Variants in IGSF21 observed in about 807,000 individuals in gnomAD.
IGSF21 encodes the protein immunoglobin superfamily member 21.
A neutral mutation model predicts 46.8 loss-of-function variants in IGSF21; 28 were observed. The ratio of observed to expected loss-of-function variants is 0.60; its 90% CI spans 0.44 to 0.82. The LOEUF (loss-of-function observed/expected upper bound fraction) is 0.82, where lower values mean the gene tolerates loss of function less well. Ranked by LOEUF, IGSF21 falls within the 40% of genes least tolerant of loss-of-function variation. IGSF21 has a pLI of 0.00. For missense variants in IGSF21, 624 were observed against 665.5 expected (o/e 0.94, Z 0.69); for synonymous variants, 284 against 273.6 (o/e 1.04, Z -0.38).
intron 3 of IGSF21, among the ~76,000 whole-genome samples, chr1:18,328,883 A>C (rs759410827): frequency 2.2e-4 from 34 of 152,124 alleles, no homozygotes; most frequent in Non-Finnish European, 3.8e-4. Flanking sequence ...GAGGCTGTAA[A>C]CTCGTGTGGG....
intron 2 of IGSF21, among the ~76,000 whole-genome samples, chr1:18,231,680 C>G (rs894060210): frequency 2.0e-5 from 3 of 152,184 alleles, no homozygotes; most frequent in African/African-American, 7.2e-5. Context: ...CACTAGCCAC[C>G]TATAGCTGGT....
chr1:18,232,467 C>A (rs577438989), intron 2 of IGSF21, among the ~76,000 whole-genome samples: 1 of 152,140 alleles, frequency 6.6e-6, no homozygotes, highest in Non-Finnish European at 1.5e-5. Flanking sequence ...GCTTTACATA[C>A]GTGATGACAT....
chr1:18,154,342 C>CT (rs1423404374), intron 1 of IGSF21, among the ~76,000 whole-genome samples: 9 of 152,084 alleles, frequency 5.9e-5, no homozygotes, highest in South Asian at 4.2e-4. Flanking sequence ...CATTTTACAT[C>CT]TTTTTTTTCA....
intron 3 of IGSF21, among the ~76,000 whole-genome samples, chr1:18,325,146 G>A (rs1460607922): frequency 6.6e-6 from 1 of 152,228 alleles, no homozygotes; most frequent in Non-Finnish European, 1.5e-5. Flanking sequence ...AGCAGGGGCT[G>A]GGAGAGCAGA....
chr1:18,371,155 T>C (rs1023565994), intron 6 of IGSF21, among the ~76,000 whole-genome samples: 1 of 152,232 alleles, frequency 6.6e-6, no homozygotes, highest in Non-Finnish European at 1.5e-5. Context: ...GTAAATAATC[T>C]AAATGTCCAT....
At chr1:18,347,507 C>T (rs1271023312) in intron 4 of IGSF21, among the ~76,000 whole-genome samples, 4 of 152,160 alleles carry the variant, frequency 2.6e-5, no homozygotes. Context: ...AAGGGCCTCC[C>T]AACAGTCCTG....
chr1:18,291,849 T>A lies in IGSF21; in HGVS notation c.184-17T>A. On this transcript the variant is annotated splice_polypyrimidine_tract_variant and intron_variant, in intron 2 of 9. Coordinates refer to ENST00000251296, the MANE Select transcript of IGSF21 (RefSeq NM_032880.5). ...GGTTGAGCACTCACGTGTGGCTATC[T>A]CTGTGCTCTGTGGCAGGTGACGGAT... 6.2e-7 allele frequency: 1 copy of A among 1,613,022 alleles called. No individual in the cohort carries two copies. The highest frequency in any genetic ancestry group is 1.7e-5 in the Admixed American group (1 of 59,962).
intron 2 of IGSF21, among the ~76,000 whole-genome samples, chr1:18,247,791 T>C (rs912610063): frequency 2.0e-5 from 3 of 152,186 alleles, no homozygotes; most frequent in Non-Finnish European, 4.4e-5. Context: ...GTGGGTACTG[T>C]CATTGTCCCC....
At chr1:18,253,775 C>T (rs552683631) in intron 2 of IGSF21, among the ~76,000 whole-genome samples, 9 of 152,254 alleles carry the variant, frequency 5.9e-5, no homozygotes, top group South Asian at 4.2e-4. Flanking sequence ...AGTCACTGGG[C>T]GCCTGCTTCC....
At chr1:18,159,715 C>T (rs2086599849) in intron 1 of IGSF21, among the ~76,000 whole-genome samples, 1 of 146,644 alleles carries the variant, frequency 6.8e-6, no homozygotes, top group Non-Finnish European at 1.5e-5. Flanking sequence ...GAGAGTCTCG[C>T]TCTGTCACCC....
At chr1:18,138,056 C>G (rs1423067983) in intron 1 of IGSF21, among the ~76,000 whole-genome samples, 2 of 152,080 alleles carry the variant, frequency 1.3e-5, no homozygotes, top group Non-Finnish European at 2.9e-5. Context: ...ACCGTGTCCC[C>G]AGCAACAGGA....
intron 1 of IGSF21, among the ~76,000 whole-genome samples, chr1:18,201,704 T>A (rs9725718): frequency 1.1e-4 from 16 of 152,088 alleles, no homozygotes; most frequent in Non-Finnish European, 2.9e-5. Context: ...TGCCCTCTCA[T>A]TGGGGTGTGT....
At chr1:18,269,618 C>T (rs1181859275) in intron 2 of IGSF21, among the ~76,000 whole-genome samples, 1 of 152,180 alleles carries the variant, frequency 6.6e-6, no homozygotes, top group African/African-American at 2.4e-5. Flanking sequence ...CACCATCAGT[C>T]TGATGATTCC....
chr1:18,238,986 A>G (rs920735894), intron 2 of IGSF21, among the ~76,000 whole-genome samples: 1 of 152,128 alleles, frequency 6.6e-6, no homozygotes, highest in Admixed American at 6.5e-5. Flanking sequence ...ACTCAGAGCT[A>G]ATGGAAGAGG....
chr1:18,161,798 A>C (rs2124444506), intron 1 of IGSF21, among the ~76,000 whole-genome samples: 1 of 152,260 alleles, frequency 6.6e-6, no homozygotes, highest in South Asian at 2.1e-4. Context: ...CAAAAGGCAA[A>C]GCGGTGGAGC....
chr1:18,123,165 C>T (rs1159577626), intron 1 of IGSF21, among the ~76,000 whole-genome samples: 1 of 152,138 alleles, frequency 6.6e-6, no homozygotes, highest in Non-Finnish European at 1.5e-5. Flanking sequence ...TCCGGATGAT[C>T]CCATTCTAAG....
At chr1:18,190,076 T>G (rs976669109) in intron 1 of IGSF21, among the ~76,000 whole-genome samples, 1 of 152,188 alleles carries the variant, frequency 6.6e-6, no homozygotes, top group African/African-American at 2.4e-5. Context: ...TCACAGCTGA[T>G]CCATGTCTGG....
At chr1:18,343,800 A>G (rs1463454294) in intron 4 of IGSF21, among the ~76,000 whole-genome samples, 1 of 152,156 alleles carries the variant, frequency 6.6e-6, no homozygotes, top group Non-Finnish European at 1.5e-5. Context: ...TCACTGCTCT[A>G]TATGTCTATC....
chr1:18,174,076 T>G (rs2086770882), intron 1 of IGSF21, among the ~76,000 whole-genome samples: 1 of 152,180 alleles, frequency 6.6e-6, no homozygotes, highest in South Asian at 2.1e-4. Context: ...AAAATCATAC[T>G]TTCCATACAT....
Sources: allele counts gnomAD v4.1 joint callset (sites outside exome capture counted in the v4.1 genomes callset), GRCh38; gene constraint gnomAD v4.1.1; transcripts MANE v1.5; gene names NCBI Gene and HGNC (gene_info 2026-07-23, HGNC 2026-07-21).